The following PACSIN1 variants were observed in gnomAD, a reference collection of about 807,000 sequenced individuals.
PACSIN1 encodes protein kinase C and casein kinase substrate in neurons 1.
In PACSIN1, 15 loss-of-function variants were observed where a neutral mutation model predicts 59.5. That is an observed-to-expected ratio of 0.25 (90% CI 0.17 to 0.39). PACSIN1 has a LOEUF of 0.39. PACSIN1 is among the 10% of genes least tolerant of loss of function. The pLI, the probability that PACSIN1 is intolerant of heterozygous loss-of-function variation, is 1.00. For synonymous variants in PACSIN1, 210 were observed against 220.6 expected (o/e 0.95, Z 0.42); for missense variants, 420 against 580.2 (o/e 0.72, Z 2.84).
At chr6:34,468,519 G>A (rs1284262237) in intron 1 of PACSIN1, among the ~76,000 whole-genome samples, 2 of 152,200 alleles carry the variant, frequency 1.3e-5, no homozygotes, top group African/African-American at 2.4e-5. Context: ...CACCCAGGCT[G>A]ACTCTCCCTT....
At chr6:34,468,763 C>A (rs536749128) in intron 1 of PACSIN1, among the ~76,000 whole-genome samples, 2 of 152,352 alleles carry the variant, frequency 1.3e-5, no homozygotes, top group East Asian at 3.9e-4. Flanking sequence ...AGCCTGGCTG[C>A]CTCCCCTGGG....
chr6:34,472,115 T>C (rs1387528543), intron 1 of PACSIN1, among the ~76,000 whole-genome samples: 1 of 151,668 alleles, frequency 6.6e-6, no homozygotes, highest in Non-Finnish European at 1.5e-5. Flanking sequence ...CTACTAAAAA[T>C]ACAAAAATTA....
At chr6:34,467,023 A>G (rs572219762) in intron 1 of PACSIN1, among the ~76,000 whole-genome samples, 2 of 152,284 alleles carry the variant, frequency 1.3e-5, no homozygotes, top group Non-Finnish European at 2.9e-5. Flanking sequence ...CCCTACCCAC[A>G]ACAGCCCAGG....
intron 1 of PACSIN1, among the ~76,000 whole-genome samples, chr6:34,501,000 TG>T (rs1767015369): frequency 6.6e-6 from 1 of 152,230 alleles, no homozygotes; most frequent in African/African-American, 2.4e-5. Context: ...ATTGCAGTCT[TG>T]GATTAGGCTT....
chr6:34,472,096 C>A (rs1295000308), intron 1 of PACSIN1, among the ~76,000 whole-genome samples: 1 of 151,718 alleles, frequency 6.6e-6, no homozygotes, highest in African/African-American at 2.4e-5. Context: ...TATGGTGAAA[C>A]CCCTGTCTCT....
At chr6:34,527,209 G>T in intron 2 of PACSIN1, 123 bp from the exon 3 acceptor site, 2 of 981,650 alleles carry the variant, frequency 2.0e-6, no homozygotes, top group Non-Finnish European at 2.7e-6. Context: ...CGGGGGCGGG[G>T]ACGGCGAGGC....
At chr6:34,504,513 A>G (rs1399777322) in intron 1 of PACSIN1, among the ~76,000 whole-genome samples, 2 of 151,536 alleles carry the variant, frequency 1.3e-5, no homozygotes, top group African/African-American at 4.9e-5. Context: ...CTGATCTCGA[A>G]CTCCTGACCT....
chr6:34,499,421 A>G (rs1162935382), intron 1 of PACSIN1, among the ~76,000 whole-genome samples: 8 of 150,938 alleles, frequency 5.3e-5, no homozygotes, highest in African/African-American at 2.0e-4. Context: ...GACTCCTGTT[A>G]TACTAGATAC....
chr6:34,487,262 C>T (rs942238482), intron 1 of PACSIN1, among the ~76,000 whole-genome samples: 8 of 152,252 alleles, frequency 5.3e-5, no homozygotes, highest in South Asian at 2.1e-4. Flanking sequence ...GAACACTTCC[C>T]GCATCCTGGA....
intron 1 of PACSIN1, among the ~76,000 whole-genome samples, chr6:34,524,939 G>A (rs1421643139): frequency 2.0e-5 from 3 of 152,212 alleles, no homozygotes; most frequent in Admixed American, 1.3e-4. Flanking sequence ...AGAGTTCTAT[G>A]TGACATTAAG....
intron 1 of PACSIN1, among the ~76,000 whole-genome samples, chr6:34,490,681 C>T (rs1215465688): frequency 6.6e-6 from 1 of 152,166 alleles, no homozygotes; most frequent in East Asian, 1.9e-4. Context: ...GGGGCTTTCC[C>T]GTTGGCCCTG....
At chr6:34,512,211 G>A (rs1188015361) in intron 1 of PACSIN1, among the ~76,000 whole-genome samples, 1 of 152,006 alleles carries the variant, frequency 6.6e-6, no homozygotes. Flanking sequence ...GTGGGCTGAG[G>A]GTGGATGCTC....
rs77986319 is a variant in PACSIN1 at position 34,506,130 on chromosome 6, G to A, written c.-63-20113G>A. Among the ~76,000 whole-genome samples the A allele has an allele frequency of 5.6e-3, 857 of 152,152 alleles. 11 individuals are homozygous for A. Among genetic ancestry groups the A allele is most frequent in the African/African-American group, 0.017 (721 of 41,498 alleles). On this transcript the variant is annotated intron_variant, in intron 1 of 9. Transcript: ENST00000244458. ...TAAAAATCCTTGTCAGATAATTCCA[G>A]TATTTGTGTCTTGGTGTTGTTGGCA...
chr6:34,503,144 T>G, intron 1 of PACSIN1, among the ~76,000 whole-genome samples: 1 of 151,996 alleles, frequency 6.6e-6, no homozygotes. Context: ...GGCCTGCACC[T>G]GTAGTCCCAG....
chr6:34,470,696 T>C (rs924473222), intron 1 of PACSIN1, among the ~76,000 whole-genome samples: 1 of 151,786 alleles, frequency 6.6e-6, no homozygotes, highest in African/African-American at 2.4e-5. Context: ...AGAGATGGGG[T>C]CTTACTGTGT....
intron 1 of PACSIN1, among the ~76,000 whole-genome samples, chr6:34,523,481 G>A (rs961782583): frequency 1.3e-5 from 2 of 152,238 alleles, no homozygotes; most frequent in Non-Finnish European, 2.9e-5. Context: ...TGAATGGTAT[G>A]TGCCCAATCA....
chr6:34,508,721 A>G (rs77331743), intron 1 of PACSIN1, among the ~76,000 whole-genome samples: 2,942 of 152,320 alleles, frequency 0.019, 64 homozygotes, highest in African/African-American at 0.05. Context: ...CCATCCTGAC[A>G]GGTATGAGGT....
chr6:34,478,350 C>G (rs1044172787), intron 1 of PACSIN1, among the ~76,000 whole-genome samples: 1 of 146,912 alleles, frequency 6.8e-6, no homozygotes, highest in African/African-American at 2.5e-5. Flanking sequence ...TGAGCCACCA[C>G]GCCGAGCCTA....
chr6:34,504,538 G>C (rs879509230), intron 1 of PACSIN1, among the ~76,000 whole-genome samples: 2 of 152,082 alleles, frequency 1.3e-5, no homozygotes, highest in Non-Finnish European at 2.9e-5. Flanking sequence ...TGATCCACCT[G>C]CCTCGGCTTC....
Sources: gnomAD v4.1 joint callset for allele counts (sites outside exome capture counted in the v4.1 genomes callset) on GRCh38, gnomAD v4.1.1 for gene constraint, MANE v1.5 for transcripts, NCBI Gene and HGNC (gene_info 2026-07-23, HGNC 2026-07-21) for gene names.